Variants in ADGRL3 observed in about 807,000 individuals in gnomAD.
The protein encoded by ADGRL3 is calcium-independent alpha-latrotoxin receptor 3.
A neutral mutation model predicts 153.5 loss-of-function variants in ADGRL3; 62 were observed. The observed-to-expected ratio is 0.40, with a 90% CI of 0.33 to 0.50. ADGRL3 has a LOEUF of 0.50. Among genes scored for constraint, ADGRL3 ranks in the 20% least tolerant of loss-of-function variants. The pLI is 0.47. For synonymous variants in ADGRL3, 710 were observed against 672.5 expected, an observed-to-expected ratio of 1.06 and a Z score of -0.86; for missense variants, 1,641 against 1,859.4, an observed-to-expected ratio of 0.88 and a Z score of 2.16.
At chr4:61,841,891 A>G (rs1305927498) in intron 9 of ADGRL3, among the ~76,000 whole-genome samples, 2 of 152,178 alleles carry the variant, frequency 1.3e-5, no homozygotes, top group Admixed American at 6.6e-5. Flanking sequence ...GGCATGAGAA[A>G]AGGCCAGCAT....
intron 4 of ADGRL3, among the ~76,000 whole-genome samples, chr4:61,553,068 A>G (rs562912952): frequency 6.6e-6 from 1 of 152,318 alleles, no homozygotes; most frequent in South Asian, 2.1e-4. Context: ...CGCCTGAGCC[A>G]TTTGAATTGT....
intron 14 of ADGRL3, among the ~76,000 whole-genome samples, chr4:61,935,428 G>C (rs952428624): frequency 3.3e-5 from 5 of 152,202 alleles, no homozygotes; most frequent in African/African-American, 1.2e-4. Context: ...GAGTGAAAAT[G>C]ATAAAACAGT....
intron 21 of ADGRL3, among the ~76,000 whole-genome samples, chr4:62,006,647 A>G (rs537853441): frequency 1.3e-3 from 192 of 148,200 alleles, no homozygotes; most frequent in African/African-American, 4.6e-3. Context: ...TTCACTTTAT[A>G]TATCTATTAT....
At chr4:61,757,336 G>A (rs1371402633) in intron 8 of ADGRL3, among the ~76,000 whole-genome samples, 2 of 151,984 alleles carry the variant, frequency 1.3e-5, no homozygotes, top group Non-Finnish European at 2.9e-5. Flanking sequence ...ACTTTTTCCT[G>A]GTTTAGTCTT....
chr4:61,545,387 A>G (rs927276553), intron 4 of ADGRL3, among the ~76,000 whole-genome samples: 2 of 152,180 alleles, frequency 1.3e-5, no homozygotes, highest in Non-Finnish European at 2.9e-5. Context: ...GGACTGACCT[A>G]ATGAAACCCT....
At chr4:61,221,394 A>G (rs1745425650) in intron 1 of ADGRL3, among the ~76,000 whole-genome samples, 1 of 152,156 alleles carries the variant, frequency 6.6e-6, no homozygotes, top group South Asian at 2.1e-4. Flanking sequence ...TGGGCTCGTA[A>G]TATGATGTCA....
intron 1 of ADGRL3, among the ~76,000 whole-genome samples, chr4:61,330,675 C>G (rs1230176245): frequency 1.3e-5 from 2 of 152,122 alleles, no homozygotes; most frequent in African/African-American, 4.8e-5. Flanking sequence ...AAAGAGTGAG[C>G]AGCAGCCAGA....
At chr4:61,864,481 A>G (rs2149315562) in intron 9 of ADGRL3, among the ~76,000 whole-genome samples, 1 of 152,314 alleles carries the variant, frequency 6.6e-6, no homozygotes, top group South Asian at 2.1e-4. Flanking sequence ...TGAACATTTC[A>G]AAGCCCCAGA....
intron 4 of ADGRL3, among the ~76,000 whole-genome samples, chr4:61,564,929 C>A (rs2098810330): frequency 1.3e-5 from 2 of 152,090 alleles, no homozygotes; most frequent in South Asian, 4.1e-4. Flanking sequence ...AGTTTGTTGC[C>A]TTTTATGGAC....
intron 26 of ADGRL3, among the ~76,000 whole-genome samples, chr4:62,069,439 C>T (rs922758536): frequency 7.9e-5 from 12 of 152,034 alleles, no homozygotes; most frequent in East Asian, 3.9e-4. Context: ...ACTTTTGTTT[C>T]GAAAATTCCT....
chr4:61,425,824 C>A (rs1052070926), intron 2 of ADGRL3, among the ~76,000 whole-genome samples: 1 of 152,228 alleles, frequency 6.6e-6, no homozygotes, highest in Non-Finnish European at 1.5e-5. Flanking sequence ...GCCCTCCCCC[C>A]TGGGGCTATG....
intron 6 of ADGRL3, among the ~76,000 whole-genome samples, chr4:61,715,766 G>C (rs2096097231): frequency 6.6e-6 from 1 of 151,870 alleles, no homozygotes; most frequent in East Asian, 1.9e-4. Context: ...TAAGGACAAA[G>C]TTGTCACATA....
intron 1 of ADGRL3, among the ~76,000 whole-genome samples, chr4:61,222,081 A>T (rs1041748348): frequency 6.6e-6 from 1 of 152,046 alleles, no homozygotes; most frequent in Non-Finnish European, 1.5e-5. Context: ...GGAAGCATTG[A>T]ATTAGATTCT....
intron 13 of ADGRL3, among the ~76,000 whole-genome samples, chr4:61,923,957 A>G (rs1311257887): frequency 6.6e-6 from 1 of 152,126 alleles, no homozygotes; most frequent in South Asian, 2.1e-4. Context: ...CCAATTTCCA[A>G]TTGCCTACTA....
chr4:61,553,361 C>A (rs1440735032), intron 4 of ADGRL3, among the ~76,000 whole-genome samples: 1 of 152,082 alleles, frequency 6.6e-6, no homozygotes, highest in African/African-American at 2.4e-5. Flanking sequence ...AATAAGCTTT[C>A]AATACAGTAG....
At chr4:61,741,963 A>T (rs1467882927) in intron 8 of ADGRL3, among the ~76,000 whole-genome samples, 2 of 152,248 alleles carry the variant, frequency 1.3e-5, no homozygotes, top group Non-Finnish European at 2.9e-5. Context: ...TTTGTGAATA[A>T]GCTTCCCACT....
At chr4:61,558,591 A>T (rs2098779696) in intron 4 of ADGRL3, among the ~76,000 whole-genome samples, 1 of 151,868 alleles carries the variant, frequency 6.6e-6, no homozygotes, top group Admixed American at 6.6e-5. Flanking sequence ...TCTATATAAC[A>T]TCTATCATCT....
At chr4:61,495,848 T>C (rs2098309871) in intron 2 of ADGRL3, among the ~76,000 whole-genome samples, 1 of 152,224 alleles carries the variant, frequency 6.6e-6, no homozygotes, top group East Asian at 1.9e-4. Context: ...CACTGCTTTG[T>C]ATTTTAGTGA....
chr4:61,634,908 T>C (rs2093349379), intron 5 of ADGRL3, among the ~76,000 whole-genome samples: 1 of 152,200 alleles, frequency 6.6e-6, no homozygotes, highest in African/African-American at 2.4e-5. Context: ...ATTTGAAATC[T>C]GCAAGAGCCC....
Sources: gnomAD v4.1 joint callset for allele counts (sites outside exome capture counted in the v4.1 genomes callset) on GRCh38, gnomAD v4.1.1 for gene constraint, MANE v1.5 for transcripts, NCBI Gene and HGNC (gene_info 2026-07-23, HGNC 2026-07-21) for gene names.